Variants in ATP2B2 observed in about 807,000 individuals in gnomAD.
The protein encoded by ATP2B2 is plasma membrane calcium-transporting ATPase 2.
In ATP2B2, 15 loss-of-function variants were observed where a neutral mutation model predicts 120.0. That is an observed-to-expected ratio of 0.12 (90% CI 0.08 to 0.19). The LOEUF (loss-of-function observed/expected upper bound fraction) is 0.19, where lower values mean the gene tolerates loss of function less well. Ranked by LOEUF, ATP2B2 falls within the 10% of genes least tolerant of loss-of-function variation. The pLI is 1.00. For synonymous variants in ATP2B2, 694 were observed against 700.3 expected (o/e 0.99, Z 0.14); for missense variants, 1,045 against 1,719.8 (o/e 0.61, Z 6.94).
chr3:10,550,262 C>T (rs990669280), intron 2 of ATP2B2, among the ~76,000 whole-genome samples: 13 of 152,012 alleles, frequency 8.6e-5, no homozygotes, highest in African/African-American at 1.9e-4. Flanking sequence ...AAACCTAGAA[C>T]GGAAGTAAAT....
chr3:10,378,687 G>T (rs1011960882), intron 9 of ATP2B2, among the ~76,000 whole-genome samples: 9 of 152,200 alleles, frequency 5.9e-5, no homozygotes, highest in Non-Finnish European at 1.2e-4. Flanking sequence ...CTCTCGGCCT[G>T]AACAAGCCTG....
At chr3:10,511,657 G>C (rs1018667558) in intron 3 of ATP2B2, among the ~76,000 whole-genome samples, 1 of 152,148 alleles carries the variant, frequency 6.6e-6, no homozygotes, top group Admixed American at 6.5e-5. Context: ...GCCCAGAGAT[G>C]TCCCAACTGG....
Position 10,378,415 on chromosome 3 carries a change from AG to A in ATP2B2, c.1043-6del. 1 of 1,600,440 alleles carries A rather than the reference AG, an allele frequency of 6.2e-7. No individual in the cohort carries two copies. The stretch of plus-strand genomic sequence containing the variant: ...CTGCCCCGTCCTGTTGTTTGGCTGC[AG>A]GGGGCAGATCACGCACGTGCATACA... On this transcript the variant is annotated splice_polypyrimidine_tract_variant and splice_region_variant and intron_variant, in intron 9 of 22. Coordinates refer to ENST00000360273, the MANE Select transcript of ATP2B2 (RefSeq NM_001001331.4).
chr3:10,456,144 C>T (rs1047031103), intron 1 of ATP2B2, among the ~76,000 whole-genome samples: 12 of 151,952 alleles, frequency 7.9e-5, no homozygotes, highest in Non-Finnish European at 1.2e-4. Context: ...ATCTATCTTT[C>T]GAAGGAAGAA....
chr3:10,412,142 ACT>A (rs759979476), intron 2 of ATP2B2, among the ~76,000 whole-genome samples: 2 of 152,156 alleles, frequency 1.3e-5, no homozygotes, highest in Non-Finnish European at 2.9e-5. Flanking sequence ...CTCCTGCCAC[ACT>A]GTGCCCATGC....
chr3:10,393,931 C>T (rs868715893), intron 5 of ATP2B2, among the ~76,000 whole-genome samples: 1 of 152,190 alleles, frequency 6.6e-6, no homozygotes, highest in Non-Finnish European at 1.5e-5. Context: ...GTGGCAGTCT[C>T]GGAGTCAAAG....
intron 1 of ATP2B2, among the ~76,000 whole-genome samples, chr3:10,678,366 A>T (rs2071295914): frequency 6.6e-6 from 1 of 152,182 alleles, no homozygotes; most frequent in Admixed American, 6.5e-5. Flanking sequence ...TCTTGGCGTG[A>T]GAGATGTGCC....
intron 2 of ATP2B2, among the ~76,000 whole-genome samples, chr3:10,581,311 G>A (rs1276579312): frequency 6.6e-6 from 1 of 152,234 alleles, no homozygotes; most frequent in Non-Finnish European, 1.5e-5. Flanking sequence ...GCCCCACAAG[G>A]CTCTGGGAAG....
At chr3:10,332,231 C>T (rs1314429715) in intron 22 of ATP2B2, 11 of 569,126 alleles carry the variant, frequency 1.9e-5, no homozygotes, top group African/African-American at 3.7e-5. Context: ...CCCTAGGAGT[C>T]GTCAGAACCA....
chr3:10,418,607 C>T (rs1483328372), intron 2 of ATP2B2, among the ~76,000 whole-genome samples: 1 of 152,156 alleles, frequency 6.6e-6, no homozygotes, highest in South Asian at 2.1e-4. Context: ...TGGGGCTGCA[C>T]GTCTTTATTT....
At chr3:10,478,144 C>T (rs900127196) in intron 1 of ATP2B2, among the ~76,000 whole-genome samples, 4 of 152,128 alleles carry the variant, frequency 2.6e-5, no homozygotes, top group East Asian at 1.9e-4. Flanking sequence ...GAGCATTTTT[C>T]GCATGCTTAT....
intron 3 of ATP2B2, among the ~76,000 whole-genome samples, chr3:10,517,259 G>C (rs899165387): frequency 1.3e-5 from 2 of 152,216 alleles, no homozygotes; most frequent in Non-Finnish European, 2.9e-5. Flanking sequence ...CGGGGAACCT[G>C]CAAGTGTCAC....
intron 2 of ATP2B2, among the ~76,000 whole-genome samples, chr3:10,431,793 T>G (rs2063324443): frequency 6.6e-6 from 1 of 151,992 alleles, no homozygotes; most frequent in Non-Finnish European, 1.5e-5. Context: ...TTGGTAGGTA[T>G]TCAGAGGCCT....
chr3:10,474,580 C>T (rs1485002775), intron 1 of ATP2B2, among the ~76,000 whole-genome samples: 1 of 152,200 alleles, frequency 6.6e-6, no homozygotes, highest in Non-Finnish European at 1.5e-5. Flanking sequence ...CCTTGCTTGG[C>T]TCCCACTGCC....
intron 2 of ATP2B2, among the ~76,000 whole-genome samples, chr3:10,602,112 C>G (rs563163297): frequency 1.3e-5 from 2 of 152,160 alleles, no homozygotes; most frequent in African/African-American, 4.8e-5. Flanking sequence ...TGGGTTGAAG[C>G]CCCCTCGGAG....
At chr3:10,502,541 T>C (rs2066436655) in intron 1 of ATP2B2, among the ~76,000 whole-genome samples, 1 of 152,254 alleles carries the variant, frequency 6.6e-6, no homozygotes, top group African/African-American at 2.4e-5. Flanking sequence ...GAACACGGTG[T>C]GACCTTGGAC....
At chr3:10,588,548 T>A (rs2125573249) in intron 2 of ATP2B2, among the ~76,000 whole-genome samples, 1 of 152,154 alleles carries the variant, frequency 6.6e-6, no homozygotes, top group African/African-American at 2.4e-5. Flanking sequence ...CAAGAGCACA[T>A]CACCTCCTCT....
At position 10,635,875 on chromosome 3, in the gene ATP2B2, C is replaced by A. The variant is rs535958964; in HGVS notation, c.-459-15914G>T. ...CTGCTGGCAAGGGAGGCTGCAGTGG[C>A]GGCTGCAAGTGTCACTCCCAGGCCT... On this transcript the variant is annotated intron_variant, in intron 1 of 21. Transcript: ENST00000646379. This position sits in a 1 kb window ranked among gnomAD's most constrained non-coding sequence, Gnocchi z 4.3. Among the ~76,000 whole-genome samples, 1 of 152,270 alleles carries A rather than the reference C, an allele frequency of 6.6e-6. No individual in the cohort carries two copies. Among genetic ancestry groups the A allele is most frequent in the Admixed American group, 6.5e-5 (1 of 15,306 alleles).
upstream of ATP2B2, among the ~76,000 whole-genome samples, chr3:10,507,295 G>C (rs965714681): frequency 2.0e-5 from 3 of 152,132 alleles, no homozygotes; most frequent in Non-Finnish European, 2.9e-5. Context: ...CCTCATCTCT[G>C]CTTCATCTTG....
Sources: gnomAD v4.1 joint callset for allele counts (sites outside exome capture counted in the v4.1 genomes callset) on GRCh38, gnomAD v4.1.1 for gene constraint, Gnocchi (gnomAD v3.1) non-coding constraint, MANE v1.5 for transcripts, NCBI Gene and HGNC (gene_info 2026-07-23, HGNC 2026-07-21) for gene names.